Variants in PRRX1 observed in about 807,000 individuals in gnomAD.
The protein encoded by PRRX1 is paired related homeobox 1, also known as paired mesoderm homeobox protein 1.
In PRRX1, 8 loss-of-function variants were observed where a neutral mutation model predicts 24.0. The ratio of observed to expected loss-of-function variants is 0.33; its 90% CI spans 0.20 to 0.60. The LOEUF (loss-of-function observed/expected upper bound fraction) is 0.60, where lower values mean the gene tolerates loss of function less well. PRRX1 is among the 20% of genes least tolerant of loss of function. PRRX1 has a pLI of 0.82. For missense variants in PRRX1, 281 were observed against 322.4 expected, an observed-to-expected ratio of 0.87 and a Z score of 0.98; for synonymous variants, 160 against 131.7, an observed-to-expected ratio of 1.22 and a Z score of -1.47.
At chr1:170,681,400 C>T (rs929470740) in intron 1 of PRRX1, among the ~76,000 whole-genome samples, 1 of 151,720 alleles carries the variant, frequency 6.6e-6, no homozygotes, top group African/African-American at 2.4e-5. Flanking sequence ...GGCATTTATT[C>T]AGTGGAACAT....
At chr1:170,735,902 G>A in intron 3 of PRRX1, 146 bp from the exon 4 acceptor site, 1 of 1,057,694 alleles carries the variant, frequency 9.5e-7, no homozygotes, top group South Asian at 1.3e-5. Context: ...GAAAGCTGGG[G>A]CTGTAAGGGA....
Position 170,666,287 on chromosome 1 carries a change from G to A in PRRX1, c.241+1828G>A, listed in dbSNP as rs527968295. 5.9e-5 allele frequency among the ~76,000 whole-genome samples: 9 copies of A among 151,784 alleles called. 1 individual carries two copies. The South Asian group carries it at 1.9e-3, about 32-fold the overall frequency. Reference sequence around the variant, plus strand: ...ACAAAAATTAGCCGGGCGTAGTGCCGAGCGCCTGTAATCCCGGTTACTCAG... The same window carrying A: ...ACAAAAATTAGCCGGGCGTAGTGCCAAGCGCCTGTAATCCCGGTTACTCAG... On this transcript the variant is annotated intron_variant, in intron 1 of 3. Transcript: ENST00000239461.
At position 170,726,417 on chromosome 1, in the gene PRRX1, AC is replaced by A; in HGVS notation, c.599+17del. 6.2e-7 allele frequency: 1 copy of A among 1,610,892 alleles called. No individual in the cohort carries two copies. Among genetic ancestry groups the A allele is most frequent in the Non-Finnish European group, 8.5e-7 (1 of 1,177,632 alleles). On this transcript the variant is annotated intron_variant, in intron 3 of 3. Coordinates refer to ENST00000239461, the MANE Select transcript of PRRX1 (RefSeq NM_022716.4). ...CTCCGTACAGGTGAATGACTGGCCC[AC>A]TCTCCCTTGCTCCACTTCCACATGT...
intron 2 of PRRX1, among the ~76,000 whole-genome samples, chr1:170,721,429 T>A (rs1655080752): frequency 6.6e-6 from 1 of 152,158 alleles, no homozygotes; most frequent in African/African-American, 2.4e-5. Flanking sequence ...GGCCTGTGTC[T>A]ATGGAGGAGG....
chr1:170,683,352 C>T (rs1469954101), intron 1 of PRRX1, among the ~76,000 whole-genome samples: 9 of 152,136 alleles, frequency 5.9e-5, no homozygotes, highest in African/African-American at 1.4e-4. Flanking sequence ...AGGAGGCTGA[C>T]GGAGCCAGCG....
At chr1:170,680,454 TC>T (rs1174972975) in intron 1 of PRRX1, among the ~76,000 whole-genome samples, 2 of 152,178 alleles carry the variant, frequency 1.3e-5, no homozygotes, top group Non-Finnish European at 2.9e-5. Flanking sequence ...CCATCTGGGA[TC>T]CTTTGGTGAC....
chr1:170,683,108 T>C (rs377619165), intron 1 of PRRX1, among the ~76,000 whole-genome samples: 8 of 152,228 alleles, frequency 5.3e-5, no homozygotes, highest in African/African-American at 1.9e-4. Flanking sequence ...CAAAGTGTGA[T>C]GACAATGGGA....
intron 1 of PRRX1, chr1:170,668,437 C>G (rs1160937174): frequency 6.6e-6 from 1 of 152,208 alleles, no homozygotes; most frequent in Non-Finnish European, 1.5e-5. Flanking sequence ...GACGGAAAGT[C>G]AATTAGACAC....
At chr1:170,690,916 A>T (rs1441022191) in intron 1 of PRRX1, among the ~76,000 whole-genome samples, 2 of 152,172 alleles carry the variant, frequency 1.3e-5, no homozygotes, top group African/African-American at 4.8e-5. Context: ...AAGGAAATGC[A>T]TGAACTGGTC....
chr1:170,730,067 G>A (rs764764018), intron 3 of PRRX1: 14 of 635,386 alleles, frequency 2.2e-5, no homozygotes, highest in Non-Finnish European at 3.4e-5. Context: ...TGAATGGCCT[G>A]GTTTTGCATT....
rs527642619 is a variant in PRRX1, at chr1:170,730,232, T to C, written c.599+3831T>C. On this transcript the variant is annotated intron_variant, in intron 3 of 3. Coordinates refer to ENST00000239461, the MANE Select transcript of PRRX1 (RefSeq NM_022716.4). ...GGTCATGGTGCTGCCTGACATCTGC[T>C]GAACGCATTTGGCTTATTTCTCCCT... is the stretch of plus-strand genomic sequence containing the variant. 208 of 1,490,604 alleles carry C rather than the reference T, an allele frequency of 1.4e-4. 4 individuals are homozygous for C. In the South Asian group the frequency reaches 2.3e-3, roughly 16 times the overall value. 92.3% of individuals were successfully genotyped at this position (1,490,604 alleles called of 1,614,324 possible).
intron 1 of PRRX1, among the ~76,000 whole-genome samples, chr1:170,711,277 T>C (rs1030069345): frequency 2.0e-5 from 3 of 152,244 alleles, no homozygotes; most frequent in African/African-American, 7.2e-5. Flanking sequence ...CCTTTGGTTC[T>C]ATCTCTTACT....
chr1:170,672,928 G>A (rs907674718), intron 1 of PRRX1, among the ~76,000 whole-genome samples: 1 of 152,120 alleles, frequency 6.6e-6, no homozygotes, highest in Non-Finnish European at 1.5e-5. Flanking sequence ...GCAGTTTGCC[G>A]AAAATCTGTG....
chr1:170,700,505 T>G (rs1356232527), intron 1 of PRRX1, among the ~76,000 whole-genome samples: 1 of 152,136 alleles, frequency 6.6e-6, no homozygotes, highest in Non-Finnish European at 1.5e-5. Flanking sequence ...CCAGGAGAAT[T>G]GAAAACAGAC....
chr1:170,668,753 G>T (rs1026566206), intron 1 of PRRX1: 1 of 152,154 alleles, frequency 6.6e-6, no homozygotes, highest in East Asian at 1.9e-4. Flanking sequence ...CTCAGCTTTT[G>T]CAACAACCCT....
At chr1:170,693,250 G>C (rs909593924) in intron 1 of PRRX1, among the ~76,000 whole-genome samples, 2 of 152,076 alleles carry the variant, frequency 1.3e-5, no homozygotes, top group African/African-American at 4.8e-5. Flanking sequence ...ATTGATAAAT[G>C]ACTCGCAAAA....
chr1:170,671,985 T>C (rs1004473627), intron 1 of PRRX1, among the ~76,000 whole-genome samples: 2 of 152,186 alleles, frequency 1.3e-5, no homozygotes, highest in Non-Finnish European at 2.9e-5. Flanking sequence ...GCCCTCACAG[T>C]GCCTGGAGTG....
chr1:170,668,440 T>G (rs932626475), intron 1 of PRRX1: 4 of 152,222 alleles, frequency 2.6e-5, no homozygotes, highest in African/African-American at 9.6e-5. Context: ...GGAAAGTCAA[T>G]TAGACACGCG....
At position 170,726,389 on chromosome 1, in the gene PRRX1, C is replaced by A. The variant is rs765116280; in HGVS notation, c.587C>A (p.Ala196Glu). The change falls in exon 3 of 4, where the codon GCG becomes GAG. Residue 196 changes from alanine to glutamate, a missense_variant. Ala to Glu is a moderately radical substitution (Grantham distance 107). Transcript: ENST00000239461. ...RPTDYLSWGTASPYSAMATYS... is the reference protein window; with the variant it reads ...RPTDYLSWGTESPYSAMATYS... The stretch of plus-strand genomic sequence containing the variant: ...ACCGATTATCTCTCCTGGGGGACAG[C>A]GTCTCCGTACAGGTGAATGACTGGC... 2 of 1,613,830 alleles carry A rather than the reference C, an allele frequency of 1.2e-6. No homozygotes were observed. The highest frequency in any genetic ancestry group is 1.7e-6 in the Non-Finnish European group (2 of 1,179,760).
Sources: gnomAD v4.1 joint callset for allele counts (sites outside exome capture counted in the v4.1 genomes callset) on GRCh38, gnomAD v4.1.1 for gene constraint, MANE v1.5 for transcripts, NCBI Gene and HGNC (gene_info 2026-07-23, HGNC 2026-07-21) for gene names.